PIK3C2A: variants seen among roughly 807,000 people sequenced by gnomAD.
PIK3C2A encodes phosphatidylinositol 4-phosphate 3-kinase C2 domain-containing subunit alpha.
PIK3C2A carries 97 observed loss-of-function variants against 204.5 expected under a neutral mutation model. That is an observed-to-expected ratio of 0.47 (90% confidence interval 0.40 to 0.56). The LOEUF (loss-of-function observed/expected upper bound fraction) is 0.56. PIK3C2A is among the 20% of genes least tolerant of loss of function. PIK3C2A has a pLI of 0.00. For missense variants in PIK3C2A, 1,735 were observed against 1,969.2 expected (o/e 0.88, Z 2.25); for synonymous variants, 653 against 664.4 (o/e 0.98, Z 0.26).
intron 13 of PIK3C2A, among the ~76,000 whole-genome samples, chr11:17,123,606 T>C (rs991751723): frequency 6.6e-6 from 1 of 151,982 alleles, no homozygotes; most frequent in Non-Finnish European, 1.5e-5. Flanking sequence ...GTCTGCCAAC[T>C]TTTTCTATAA....
chr11:17,158,589 C>T (rs71469371), intron 2 of PIK3C2A, among the ~76,000 whole-genome samples: 1 of 151,766 alleles, frequency 6.6e-6, no homozygotes, highest in African/African-American at 2.4e-5. Context: ...AATCACCATG[C>T]TAATCTGTCT....
At chr11:17,201,049 C>T (rs998559579) in intron 1 of PIK3C2A, among the ~76,000 whole-genome samples, 1 of 150,740 alleles carries the variant, frequency 6.6e-6, no homozygotes, top group Admixed American at 6.6e-5. Context: ...CTACTAAAAA[C>T]CCAAAAATTA....
intron 12 of PIK3C2A, among the ~76,000 whole-genome samples, chr11:17,131,571 G>A (rs1411443622): frequency 4.0e-5 from 6 of 151,744 alleles, no homozygotes; most frequent in Non-Finnish European, 5.9e-5. Flanking sequence ...ACAGGCGCCC[G>A]CCACCACGCC....
At chr11:17,122,041 AAG>A in intron 15 of PIK3C2A, 145 bp downstream of exon 15, 1 of 499,524 alleles carries the variant, frequency 2.0e-6, no homozygotes, top group Admixed American at 3.7e-5. Flanking sequence ...AAAAAAAAAA[AAG>A]GAAAAAAAGT....
At chr11:17,189,741 T>A (rs1303368175) in intron 1 of PIK3C2A, among the ~76,000 whole-genome samples, 2 of 132,360 alleles carry the variant, frequency 1.5e-5, no homozygotes, top group Non-Finnish European at 3.1e-5. Flanking sequence ...TGGAGAAGTA[T>A]GAAAAACTAA....
chr11:17,154,899 C>T (rs75146996), intron 3 of PIK3C2A, among the ~76,000 whole-genome samples: 5,206 of 152,198 alleles, frequency 0.034, 253 homozygotes, highest in African/African-American at 0.11. Flanking sequence ...GTTTCTAGCA[C>T]TCGTAACAGA....
intron 1 of PIK3C2A, among the ~76,000 whole-genome samples, 198 bp from the exon 2 acceptor site, chr11:17,170,004 A>T (rs1423207859): frequency 6.6e-6 from 1 of 152,238 alleles, no homozygotes; most frequent in Non-Finnish European, 1.5e-5. Context: ...AGATGTTCAG[A>T]TACACATTAC....
chr11:17,101,435 C>T lies in PIK3C2A; in HGVS notation c.3852-1G>A. 6.7e-7 allele frequency: 1 copy of T among 1,484,012 alleles called. No homozygotes were observed. The highest frequency in any genetic ancestry group is 9.1e-7 in the Non-Finnish European group (1 of 1,095,096). 91.9% of individuals were successfully genotyped at this position (1,484,012 alleles called of 1,614,324 possible). On this transcript the variant is annotated splice_acceptor_variant, in intron 24 of 32. Coordinates refer to ENST00000691414, the MANE Select transcript of PIK3C2A (RefSeq NM_002645.4). LOFTEE classifies it high-confidence loss of function. ...GGTCAGCACAAAAGGAGCCCGATCC[C>T]TATTTAAAATGAAAGTACATACAAA...
intron 1 of PIK3C2A, among the ~76,000 whole-genome samples, chr11:17,195,715 C>A (rs553599064): frequency 6.7e-6 from 1 of 150,218 alleles, no homozygotes; most frequent in South Asian, 2.1e-4. Context: ...TGCACTCCAG[C>A]CTGGGAGACA....
chr11:17,174,821 G>A (rs897367933), intron 1 of PIK3C2A, among the ~76,000 whole-genome samples: 6 of 152,002 alleles, frequency 3.9e-5, no homozygotes, highest in African/African-American at 7.2e-5. Flanking sequence ...AGAATCCCTT[G>A]AACCCTGGAG....
At chr11:17,181,511 A>G (rs1851551080) in intron 1 of PIK3C2A, among the ~76,000 whole-genome samples, 1 of 151,446 alleles carries the variant, frequency 6.6e-6, no homozygotes, top group African/African-American at 2.4e-5. Context: ...GCATGCCCGT[A>G]GTCCCAGCTA....
At chr11:17,195,802 G>A (rs1481729724) in intron 1 of PIK3C2A, among the ~76,000 whole-genome samples, 4 of 150,904 alleles carry the variant, frequency 2.7e-5, no homozygotes, top group Non-Finnish European at 5.9e-5. Context: ...CACTTTGGGA[G>A]GCCAAGGCAG....
Position 17,089,849 on chromosome 11 carries a change from T to C in PIK3C2A, c.4950A>G (p.Glu1650=). The stretch of plus-strand genomic sequence containing the variant: ...CCAAGAAAAAATTCTCCCGCAGAGA[T>C]TCTGCACTGAGTACACTTAGTTGAA... ...RELQLSVLSA[E]SLRENFFLGG... is the part of the protein sequence containing the mutation. The change falls in exon 33 of 33, where the codon GAA becomes GAG. Residue 1650 remains glutamate (E), a synonymous_variant. Transcript: ENST00000691414. 6 of 1,613,568 alleles carry C rather than the reference T, an allele frequency of 3.7e-6. No individual in the cohort carries two copies. The highest frequency in any genetic ancestry group is 5.1e-6 in the Non-Finnish European group (6 of 1,179,508).
intron 13 of PIK3C2A, 26 bp downstream of exon 13, chr11:17,129,274 C>T: frequency 2.5e-6 from 4 of 1,595,828 alleles, no homozygotes; most frequent in Middle Eastern, 1.7e-4. Context: ...CACAGTGACT[C>T]ACCATTACAA....
chr11:17,148,874 A>G lies in PIK3C2A; in HGVS notation c.1328-87T>C, dbSNP rs1467890801. ...CTTATAATTTAAGACAGCAGTATACAATAGAAATATAATGTAGTCCACAAA... is the reference window on the plus strand; with the variant it reads ...CTTATAATTTAAGACAGCAGTATACGATAGAAATATAATGTAGTCCACAAA... On this transcript the variant is annotated intron_variant, in intron 4 of 32. Coordinates refer to ENST00000691414, the MANE Select transcript of PIK3C2A (RefSeq NM_002645.4). The G allele has an allele frequency of 6.6e-6, 7 of 1,068,452 alleles. No homozygotes were observed. In the Admixed American group the frequency reaches 7.4e-5, roughly 11 times the overall value. 66.2% of individuals were successfully genotyped at this position (1,068,452 alleles called of 1,614,324 possible). A position where few individuals can be genotyped will look rare whatever the true frequency, so the allele number is the denominator to read the frequency against.
rs139816927 is a variant in PIK3C2A at position 17,089,361 on chromosome 11, A to T, written c.*377T>A. ...AACATTACACAGTGGTAAAGGCTAT[A>T]AAAGGTGCATAACAGGAAAACACAT... On this transcript the variant is annotated 3_prime_UTR_variant, in exon 33 of 33. Transcript: ENST00000691414. The T allele has an allele frequency of 3.7e-3, 586 of 159,072 alleles. 18 individuals carry two copies. In the South Asian group the frequency reaches 0.069, roughly 19 times the overall value. 9.9% of individuals were successfully genotyped at this position (159,072 alleles called of 1,614,324 possible). A position where few individuals can be genotyped will look rare whatever the true frequency, so the allele number is the denominator to read the frequency against.
intron 13 of PIK3C2A, among the ~76,000 whole-genome samples, chr11:17,125,730 A>C (rs1288242133): frequency 6.6e-6 from 1 of 152,026 alleles, no homozygotes; most frequent in East Asian, 1.9e-4. Flanking sequence ...TATTGGCCAG[A>C]GTTGTCTCAA....
chr11:17,146,452 C>A (rs1034597517), intron 6 of PIK3C2A, among the ~76,000 whole-genome samples: 3 of 152,204 alleles, frequency 2.0e-5, no homozygotes, highest in African/African-American at 7.2e-5. Flanking sequence ...GTGGCTCACG[C>A]CTGTAATCCC....
At chr11:17,102,104 G>A (rs1022885639) in intron 24 of PIK3C2A, among the ~76,000 whole-genome samples, 2 of 151,890 alleles carry the variant, frequency 1.3e-5, no homozygotes, top group South Asian at 2.1e-4. Context: ...AAGAGTTATC[G>A]CTAAGTAGAT....
Sources: gnomAD v4.1 joint callset for allele counts (sites outside exome capture counted in the v4.1 genomes callset) on GRCh38, gnomAD v4.1.1 for gene constraint, MANE v1.5 for transcripts, NCBI Gene and HGNC (gene_info 2026-07-23, HGNC 2026-07-21) for gene names.